Variants in PARVG observed in about 807,000 individuals in gnomAD.
PARVG encodes the protein parvin gamma.
Under a neutral mutation model 44.4 loss-of-function variants are expected in PARVG, and 36 were observed. The observed-to-expected ratio is 0.81, with a 90% CI of 0.62 to 1.07. The LOEUF is 1.07. PARVG is among the 50% of genes least tolerant of loss of function. The pLI, the probability that PARVG is intolerant of heterozygous loss-of-function variation, is 0.00. For missense variants in PARVG, 407 were observed against 407.4 expected, an observed-to-expected ratio of 1.00 and a Z score of 0.01; for synonymous variants, 170 against 174.1, an observed-to-expected ratio of 0.98 and a Z score of 0.19.
chr22:44,196,916 A>G (rs1464625900), intron 11 of PARVG, among the ~76,000 whole-genome samples: 1 of 152,108 alleles, frequency 6.6e-6, no homozygotes, highest in African/African-American at 2.4e-5. Context: ...GCAGAATCTC[A>G]GGGGGTCAGC....
chr22:44,187,279 C>G (rs926579883), intron 4 of PARVG: 1 of 177,032 alleles, frequency 5.6e-6, no homozygotes, highest in African/African-American at 2.4e-5. Context: ...GCATCCTGGT[C>G]TCCCAGATCT....
Position 44,190,642 on chromosome 22 carries a change from C to T in PARVG, c.480C>T (p.Val160=), listed in dbSNP as rs2272942. 0.31 allele frequency: 499,363 copies of T among 1,612,836 alleles called. 83,118 individuals are homozygous for T. The highest frequency in any genetic ancestry group is 0.35 in the Non-Finnish European group (408,593 of 1,178,880). ...CCGACCTCTCCCTCCCAACCAACGTCCAGGTGGAGGTCATCACTATCGAGG... is the reference window on the plus strand; with the variant it reads ...CCGACCTCTCCCTCCCAACCAACGTTCAGGTGGAGGTCATCACTATCGAGG... The part of the protein sequence containing the change: ...FQPDLSLPTN[V]QVEVITIEST... The change falls in exon 7 of 14, where the codon GTC becomes GTT. Residue 160 remains valine (V), a synonymous_variant. Transcript: ENST00000444313.
upstream of PARVG, among the ~76,000 whole-genome samples, chr22:44,180,556 C>G (rs546636439): frequency 9.3e-4 from 142 of 152,258 alleles, no homozygotes; most frequent in African/African-American, 3.3e-3. Context: ...GTTACAAGCC[C>G]CAGTCTAGCA....
At chr22:44,205,563 G>C (rs1270265465) in intron 12 of PARVG, among the ~76,000 whole-genome samples, 194 bp from the exon 13 acceptor site, 1 of 152,236 alleles carries the variant, frequency 6.6e-6, no homozygotes, top group Non-Finnish European at 1.5e-5. Flanking sequence ...TGGATTGCTT[G>C]TGTGACAGAG....
At chr22:44,195,569 G>A (rs1238065600) in intron 9 of PARVG, among the ~76,000 whole-genome samples, 1 of 152,248 alleles carries the variant, frequency 6.6e-6, no homozygotes, top group Non-Finnish European at 1.5e-5. Context: ...GCTGTTCCCA[G>A]ACCCCAAGGG....
At position 44,190,596 on chromosome 22, in the gene PARVG, C is replaced by A. The variant is rs776849860; in HGVS notation, c.434C>A (p.Ala145Asp). Residue 145 changes from alanine to aspartate, a missense_variant, in exon 7 of 14, where the codon GCC (alanine) becomes GAC (aspartate). Ala to Asp is a moderately radical substitution (Grantham distance 126). Coordinates refer to ENST00000444313, the MANE Select transcript of PARVG (RefSeq NM_022141.7). ...TTGTCTACCCTGCACCTCCTTGTGG[C>A]CCTGGCCAAGCGCTTCCAGCCCGAC... Reference protein sequence around the residue: ...DLLSTLHLLVALAKRFQPDLS... With the variant: ...DLLSTLHLLVDLAKRFQPDLS... The A allele has an allele frequency of 5.6e-6, 9 of 1,614,040 alleles. No homozygotes were observed. The highest frequency in any genetic ancestry group is 6.8e-6 in the Non-Finnish European group (8 of 1,180,002).
Position 44,207,121 on chromosome 22 carries a change from G to C in PARVG, c.*695G>C, listed in dbSNP as rs2054791561. The stretch of plus-strand genomic sequence containing the variant: ...GTTCCCACTCGCTCCAGTGAGACTT[G>C]GCATTTTCTGCACATAAAGAAGAGT... On this transcript the variant is annotated 3_prime_UTR_variant, in exon 14 of 14. Coordinates refer to ENST00000444313, the MANE Select transcript of PARVG (RefSeq NM_022141.7). 6.6e-6 allele frequency: 1 copy of C among 151,202 alleles called. No homozygotes were observed. The highest frequency in any genetic ancestry group is 1.5e-5 in the Non-Finnish European group (1 of 68,234). 9.4% of individuals were successfully genotyped at this position (151,202 alleles called of 1,614,324 possible).
intron 7 of PARVG, among the ~76,000 whole-genome samples, chr22:44,190,894 G>T (rs1317174232): frequency 1.3e-5 from 2 of 152,196 alleles, no homozygotes; most frequent in Non-Finnish European, 2.9e-5. Flanking sequence ...GCATGAGGAG[G>T]TCCACGGCTG....
At chr22:44,204,890 AC>A (rs558443521) in intron 12 of PARVG, among the ~76,000 whole-genome samples, 227 of 152,294 alleles carry the variant, frequency 1.5e-3, no homozygotes, top group Middle Eastern at 3.4e-3. Flanking sequence ...CTGCTTGTAG[AC>A]GAGGCCCAAG....
At chr22:44,184,254 A>G (rs1415479303) in intron 3 of PARVG, 8 of 152,292 alleles carry the variant, frequency 5.3e-5, no homozygotes, top group Admixed American at 5.2e-4. Context: ...ATGTGCTGAC[A>G]AAGAAAATGT....
rs374223735 is a variant in PARVG, at chr22:44,187,766, G to T, written c.145-10G>T. 6.2e-7 allele frequency: 1 copy of T among 1,614,186 alleles called. No homozygotes were observed. The highest frequency in any genetic ancestry group is 1.3e-5 in the African/African-American group (1 of 75,068). ...CATCCCCCCAAAAGTTGTCCCCTTG[G>T]AGCCTGCAGGTGTTGATGGAGTGGA... On this transcript the variant is annotated splice_polypyrimidine_tract_variant and intron_variant, in intron 4 of 13. Transcript: ENST00000444313.
chr22:44,207,626 A>T lies in PARVG; in HGVS notation c.*1200A>T, dbSNP rs1429074216. The T allele has an allele frequency of 6.6e-6, 1 of 150,526 alleles. No individual in the cohort carries two copies. The highest frequency in any genetic ancestry group is 1.5e-5 in the Non-Finnish European group (1 of 67,822). The allele number at this position is 150,526 out of a possible 1,614,324, so 9.3% of individuals were successfully genotyped here. A position where few individuals can be genotyped will look rare whatever the true frequency, so the allele number is the denominator to read the frequency against. On this transcript the variant is annotated 3_prime_UTR_variant, in exon 14 of 14. Transcript: ENST00000444313. ...CTGAGGCCTTGGGGAGGGGCTTTAG[A>T]TGGGGGTTAGGGGCTAGGTCATCAT... is the stretch of plus-strand genomic sequence containing the variant.
At chr22:44,196,519 C>A in intron 11 of PARVG, 104 bp downstream of exon 11, 2 of 1,397,890 alleles carry the variant, frequency 1.4e-6, no homozygotes, top group Non-Finnish European at 2.0e-6. Context: ...GTGGGGGTTG[C>A]ATCACCTCTT....
At position 44,182,075 on chromosome 22, in the gene PARVG, C is replaced by CT. The variant is rs1181374762; in HGVS notation, c.-13+158_-13+159insT. Among the ~76,000 whole-genome samples the CT allele has an allele frequency of 2.6e-5, 4 of 152,164 alleles. No homozygotes were observed. The highest frequency in any genetic ancestry group is 9.7e-5 in the African/African-American group (4 of 41,440). ...GGACCTTGAGTCCCCACGGCCCCTCCGGCTGCCCCTGCTCAGAGGCTGCTC... is the reference window on the plus strand; with the variant it reads ...GGACCTTGAGTCCCCACGGCCCCTCCTGGCTGCCCCTGCTCAGAGGCTGCTC... On this transcript the variant is annotated intron_variant, in intron 2 of 13. Transcript: ENST00000444313. This position sits in a 1 kb window ranked among gnomAD's most constrained non-coding sequence, Gnocchi z 4.6.
At chr22:44,197,130 T>G (rs1396507574) in intron 11 of PARVG, among the ~76,000 whole-genome samples, 1 of 151,944 alleles carries the variant, frequency 6.6e-6, no homozygotes, top group African/African-American at 2.4e-5. Context: ...TGCTGGGGTC[T>G]GGGGTGGGGA....
At chr22:44,187,516 G>C (rs2054490348) in intron 4 of PARVG, 2 of 549,634 alleles carry the variant, frequency 3.6e-6, no homozygotes, top group Non-Finnish European at 6.5e-6. Context: ...CCACTTCCTG[G>C]TACTAAAACC....
chr22:44,194,509 A>G (rs771140346), intron 9 of PARVG, among the ~76,000 whole-genome samples: 5 of 151,998 alleles, frequency 3.3e-5, no homozygotes, highest in Non-Finnish European at 5.9e-5. Context: ...CCATCCATTC[A>G]TACACCCATG....
chr22:44,189,024 A>C, intron 5 of PARVG, 90 bp from the exon 6 acceptor site: 1 of 1,541,986 alleles, frequency 6.5e-7, no homozygotes, highest in Non-Finnish European at 8.8e-7. Context: ...TCCCTGAAGC[A>C]CCAGGCAGGC....
chr22:44,188,283 G>A (rs2054502330), intron 5 of PARVG: 1 of 206,664 alleles, frequency 4.8e-6, no homozygotes, highest in Non-Finnish European at 1.0e-5. Context: ...TCCTGTCTCC[G>A]TGTTCCTCCT....
Sources: gnomAD v4.1 joint callset for allele counts (sites outside exome capture counted in the v4.1 genomes callset) on GRCh38, gnomAD v4.1.1 for gene constraint, Gnocchi (gnomAD v3.1) non-coding constraint, MANE v1.5 for transcripts, NCBI Gene and HGNC (gene_info 2026-07-23, HGNC 2026-07-21) for gene names.